CREBRF: variants seen among roughly 807,000 people sequenced by gnomAD.
CREBRF encodes UPF0474 protein C5orf41.
In CREBRF, 5 loss-of-function variants were observed where a neutral mutation model predicts 66.1. The ratio of observed to expected loss-of-function variants is 0.08; its 90% CI spans 0.04 to 0.16. The LOEUF (loss-of-function observed/expected upper bound fraction) is 0.16. Among genes scored for constraint, CREBRF ranks in the 10% least tolerant of loss-of-function variants. The probability of loss-of-function intolerance (pLI) is 1.00; values close to 1 mark genes in which losing one functional copy is unlikely to be tolerated. For synonymous variants in CREBRF, 229 were observed against 264.4 expected (o/e 0.87, Z 1.30); for missense variants, 531 against 744.9 (o/e 0.71, Z 3.34).
chr5:173,064,970 A>G (rs530699502), intron 1 of CREBRF, among the ~76,000 whole-genome samples: 146 of 152,178 alleles, frequency 9.6e-4, no homozygotes, highest in South Asian at 3.3e-3. Flanking sequence ...CAGCCTCCCA[A>G]AGTGTTGGGG....
intron 1 of CREBRF, among the ~76,000 whole-genome samples, chr5:173,063,217 A>G (rs2113659017): frequency 6.6e-6 from 1 of 152,260 alleles, no homozygotes; most frequent in African/African-American, 2.4e-5. Flanking sequence ...CTTCCTAAAC[A>G]GCTTTCTAAA....
intron 4 of CREBRF, among the ~76,000 whole-genome samples, chr5:173,097,530 C>G (rs903312479): frequency 2.0e-5 from 3 of 152,126 alleles, no homozygotes; most frequent in African/African-American, 7.2e-5. Flanking sequence ...CAGATGTGAG[C>G]CCTCGTGCCT....
intron 1 of CREBRF, among the ~76,000 whole-genome samples, chr5:173,065,607 C>G (rs1757411845): frequency 6.8e-6 from 1 of 147,412 alleles, no homozygotes; most frequent in Middle Eastern, 3.2e-3. Context: ...CTCCCTCCCT[C>G]TCTCTCTTTA....
intron 1 of CREBRF, among the ~76,000 whole-genome samples, chr5:173,071,298 G>A (rs112057946): frequency 0.022 from 3,288 of 152,138 alleles, 49 homozygotes; most frequent in Middle Eastern, 0.044. Flanking sequence ...TGCAACCTCC[G>A]CCTCCTGGGT....
chr5:173,065,087 G>A (rs1033527508), intron 1 of CREBRF, among the ~76,000 whole-genome samples: 1 of 152,194 alleles, frequency 6.6e-6, no homozygotes, highest in African/African-American at 2.4e-5. Context: ...CATAGACTAG[G>A]AGAGGAGACA....
chr5:173,107,635 A>G (rs1340841531), intron 4 of CREBRF, among the ~76,000 whole-genome samples: 1 of 152,098 alleles, frequency 6.6e-6, no homozygotes, highest in Non-Finnish European at 1.5e-5. Flanking sequence ...GAAGAAAACT[A>G]ATGCTGCCAC....
intron 1 of CREBRF, among the ~76,000 whole-genome samples, chr5:173,063,072 C>G (rs1181888337): frequency 6.6e-6 from 1 of 152,010 alleles, no homozygotes; most frequent in Non-Finnish European, 1.5e-5. Flanking sequence ...GCTAATAAGT[C>G]TGACTCACCT....
At chr5:173,108,968 C>A in intron 5 of CREBRF, 150 bp downstream of exon 5, 1 of 642,460 alleles carries the variant, frequency 1.6e-6, no homozygotes, top group African/African-American at 1.8e-5. Context: ...TGTGACTACT[C>A]TTCGTCACTC....
At chr5:173,057,463 C>G (rs568123670) in intron 1 of CREBRF, 1 of 152,212 alleles carries the variant, frequency 6.6e-6, no homozygotes, top group Non-Finnish European at 1.5e-5. Context: ...TCTCCTCACA[C>G]GAGCTGAGGA....
intron 2 of CREBRF, among the ~76,000 whole-genome samples, chr5:173,082,895 C>T (rs780879784): frequency 1.4e-4 from 14 of 100,534 alleles, no homozygotes; most frequent in Non-Finnish European, 2.2e-4. Context: ...AGCGACGGAG[C>T]GAGACTCTGT....
chr5:173,108,565 T>C (rs1458390904), intron 4 of CREBRF, 59 bp from the exon 5 acceptor site: 50 of 1,444,820 alleles, frequency 3.5e-5, no homozygotes, highest in Non-Finnish European at 4.6e-5. Context: ...TCTTTTCATT[T>C]GTTCTGATTG....
rs1759583411 is a variant in CREBRF at position 173,136,086 on chromosome 5, A to T, written c.*2341A>T. On this transcript the variant is annotated 3_prime_UTR_variant, in exon 9 of 9. Coordinates refer to ENST00000296953, the MANE Select transcript of CREBRF (RefSeq NM_153607.3). The stretch of plus-strand genomic sequence containing the variant: ...GTGTTTCAAACTATGGCAGTTTTGC[A>T]ATCAGGTGAAAATCACCTCATGATA... The T allele has an allele frequency of 2.0e-5, 3 of 152,638 alleles. No individual in the cohort carries two copies. The South Asian group carries it at 6.2e-4, about 32-fold the overall frequency. The allele number at this position is 152,638 out of a possible 1,614,324, so 9.5% of individuals were successfully genotyped here. A position where few individuals can be genotyped will look rare whatever the true frequency, so the allele number is the denominator to read the frequency against.
intron 1 of CREBRF, among the ~76,000 whole-genome samples, chr5:173,065,044 A>C (rs923924838): frequency 6.6e-6 from 1 of 152,122 alleles, no homozygotes; most frequent in East Asian, 1.9e-4. Flanking sequence ...TAAGGTTTTC[A>C]TCTTTACCTT....
At chr5:173,056,820 C>T (rs1001825976) in intron 1 of CREBRF, among the ~76,000 whole-genome samples, 2 of 151,894 alleles carry the variant, frequency 1.3e-5, no homozygotes, top group Non-Finnish European at 1.5e-5. Context: ...CGGCCCTTCC[C>T]CGCTGCCTCC....
At chr5:173,120,521 A>G (rs1051144790) in intron 7 of CREBRF, among the ~76,000 whole-genome samples, 4 of 151,302 alleles carry the variant, frequency 2.6e-5, no homozygotes, top group African/African-American at 7.3e-5. Flanking sequence ...CTGGGATTAC[A>G]GGCATACACC....
chr5:173,094,350 G>C (rs1340187446), intron 4 of CREBRF, among the ~76,000 whole-genome samples: 2 of 152,074 alleles, frequency 1.3e-5, no homozygotes, highest in Non-Finnish European at 2.9e-5. Flanking sequence ...AATTTTTTGA[G>C]GAACTTCCAT....
chr5:173,111,805 C>G (rs183994814), intron 6 of CREBRF, among the ~76,000 whole-genome samples: 84 of 152,340 alleles, frequency 5.5e-4, no homozygotes, highest in African/African-American at 1.9e-3. Context: ...AACTGCCAAA[C>G]TATTCTCCAA....
At chr5:173,064,633 C>T (rs144464903) in intron 1 of CREBRF, among the ~76,000 whole-genome samples, 532 of 150,166 alleles carry the variant, frequency 3.5e-3, no homozygotes, top group African/African-American at 0.01. Flanking sequence ...GGCACAATCT[C>T]GGCTTACTGC....
At chr5:173,074,063 G>A (rs1174612733) in intron 1 of CREBRF, among the ~76,000 whole-genome samples, 1 of 152,164 alleles carries the variant, frequency 6.6e-6, no homozygotes, top group Non-Finnish European at 1.5e-5. Context: ...ATCCCTTTGG[G>A]AGGCTGAGGC....
Sources: gnomAD v4.1 joint callset for allele counts (sites outside exome capture counted in the v4.1 genomes callset) on GRCh38, gnomAD v4.1.1 for gene constraint, MANE v1.5 for transcripts, NCBI Gene and HGNC (gene_info 2026-07-23, HGNC 2026-07-21) for gene names.